Variants in OSBPL10 observed in about 807,000 individuals in gnomAD.
The protein encoded by OSBPL10 is oxysterol binding protein like 10, also known as oxysterol-binding protein-related protein 10.
Under a neutral mutation model 81.7 loss-of-function variants are expected in OSBPL10, and 49 were observed. The observed-to-expected ratio is 0.60, with a 90% CI of 0.48 to 0.76. The LOEUF (loss-of-function observed/expected upper bound fraction) is 0.76, where lower values mean the gene tolerates loss of function less well. Among genes scored for constraint, OSBPL10 ranks in the 30% least tolerant of loss-of-function variants. The pLI, the probability that OSBPL10 is intolerant of heterozygous loss-of-function variation, is 0.00. For synonymous variants in OSBPL10, 419 were observed against 383.6 expected, an observed-to-expected ratio of 1.09 and a Z score of -1.08; for missense variants, 923 against 987.8, an observed-to-expected ratio of 0.93 and a Z score of 0.88.
intron 1 of OSBPL10, among the ~76,000 whole-genome samples, chr3:31,905,858 CTTGA>C (rs1291285771): frequency 6.7e-6 from 1 of 150,310 alleles, no homozygotes; most frequent in Non-Finnish European, 1.5e-5. Context: ...AAACCTATCA[CTTGA>C]TTAATTATTC....
intron 7 of OSBPL10, 81 bp from the exon 8 acceptor site, chr3:31,684,195 C>G (rs1700733625): frequency 6.5e-7 from 1 of 1,545,880 alleles, no homozygotes; most frequent in East Asian, 2.3e-5. Flanking sequence ...GCTGCAACCA[C>G]TGTTAAGCAA....
chr3:31,891,412 T>C lies in OSBPL10; in HGVS notation c.282-11582A>G, dbSNP rs564096684. Among the ~76,000 whole-genome samples, 497 of 152,334 alleles carry C rather than the reference T, an allele frequency of 3.3e-3. 1 individual carries two copies. The highest frequency in any genetic ancestry group is 0.012 in the African/African-American group (480 of 41,568). ...TGGGAACCACTTGTTTTCATTTTTGTGACCTCGGGCAAGTTCTTTATCCAC... is the reference window on the plus strand; with the variant it reads ...TGGGAACCACTTGTTTTCATTTTTGCGACCTCGGGCAAGTTCTTTATCCAC... On this transcript the variant is annotated intron_variant, in intron 1 of 11. Coordinates refer to ENST00000396556, the MANE Select transcript of OSBPL10 (RefSeq NM_017784.5).
intron 4 of OSBPL10, among the ~76,000 whole-genome samples, chr3:31,829,366 T>C (rs1002275885): frequency 2.0e-5 from 3 of 152,212 alleles, no homozygotes; most frequent in Non-Finnish European, 4.4e-5. Flanking sequence ...GACTTCTCAG[T>C]GCATCAAAAG....
Position 32,017,833 on chromosome 3 carries a change from C to T in OSBPL10, n.298+28658G>A, listed in dbSNP as rs529162244. Among the ~76,000 whole-genome samples, 190 of 152,276 alleles carry T rather than the reference C, an allele frequency of 1.2e-3. 1 individual carries two copies. Among genetic ancestry groups the T allele is most frequent in the African/African-American group, 4.2e-3 (175 of 41,558 alleles). On this transcript the variant is annotated intron_variant and non_coding_transcript_variant, in intron 2 of 3. Coordinates refer to the OSBPL10 transcript ENST00000479173. ...CAGGTGAATTGTGAACAATCACATT[C>T]ATTGTGTCACTAAACTTAAAGAAAT...
Position 31,830,148 on chromosome 3 carries a change from G to T in OSBPL10, c.621C>A (p.His207Gln), listed in dbSNP as rs973265511. ...CAACACCGGGGGCCCCCACACTGAGGTGTCTCTGGCTACAGGGAGACGCAG... is the reference window on the plus strand; with the variant it reads ...CAACACCGGGGGCCCCCACACTGAGTTGTCTCTGGCTACAGGGAGACGCAG... ...PNSASPCSQR[H>Q]LSVGAPGVVT... is the part of the protein sequence containing the mutation. The change falls in exon 4 of 12, where the codon CAC (histidine) becomes CAA (glutamine). Residue 207 changes from histidine to glutamine, a missense_variant. His to Gln is a conservative substitution (Grantham distance 24). Coordinates refer to ENST00000396556, the MANE Select transcript of OSBPL10 (RefSeq NM_017784.5). 1 of 1,614,174 alleles carries T rather than the reference G, an allele frequency of 6.2e-7. No homozygotes were observed. The highest frequency in any genetic ancestry group is 2.2e-5 in the East Asian group (1 of 44,876).
intron 2 of OSBPL10, among the ~76,000 whole-genome samples, chr3:32,010,651 C>G (rs545651884): frequency 1.3e-5 from 2 of 152,186 alleles, no homozygotes; most frequent in Admixed American, 6.5e-5. Flanking sequence ...GGCATCACTT[C>G]ACCCAGGAAG....
At chr3:31,664,322 G>A in intron 10 of OSBPL10, 90 bp from the exon 11 acceptor site, 1 of 1,385,888 alleles carries the variant, frequency 7.2e-7, no homozygotes, top group Non-Finnish European at 1.0e-6. Context: ...GAGCAGCGAG[G>A]GGCCGCCAGG....
At position 31,662,086 on chromosome 3, in the gene OSBPL10, A is replaced by G; in HGVS notation, c.2281T>C (p.Trp761Arg). ...GDGWVYFNPL[W>R]KAH ...CCTCCACCCCATCAGTGTGCTTTCC[A>G]GAGGGGATTGAAGTATACCCAGCCA... Residue 761 changes from tryptophan to arginine, a missense_variant, in exon 12 of 12, where the codon TGG becomes CGG. Trp to Arg is a moderately radical substitution (Grantham distance 101). Coordinates refer to ENST00000396556, the MANE Select transcript of OSBPL10 (RefSeq NM_017784.5). 6.2e-7 allele frequency: 1 copy of G among 1,614,116 alleles called. No individual in the cohort carries two copies. Among genetic ancestry groups the G allele is most frequent in the Non-Finnish European group, 8.5e-7 (1 of 1,179,994 alleles).
chr3:32,048,185 T>A (rs1480816656), intron 1 of OSBPL10, among the ~76,000 whole-genome samples: 1 of 152,140 alleles, frequency 6.6e-6, no homozygotes. Context: ...TAATTTTGCT[T>A]TCTTTCCTTT....
At chr3:32,069,144 C>T (rs1409440517) in intron 1 of OSBPL10, among the ~76,000 whole-genome samples, 1 of 152,172 alleles carries the variant, frequency 6.6e-6, no homozygotes, top group South Asian at 2.1e-4. Flanking sequence ...AGTGTTTAGG[C>T]TCTTTCTCAT....
chr3:31,975,255 C>A (rs376489840), intron 1 of OSBPL10, among the ~76,000 whole-genome samples: 12 of 152,146 alleles, frequency 7.9e-5, no homozygotes, highest in African/African-American at 2.9e-4. Context: ...TAGCACACGG[C>A]CTCAAAACAC....
chr3:31,670,915 T>C lies in OSBPL10; in HGVS notation c.1795A>G (p.Ile599Val), dbSNP rs764890164. 1 of 1,614,140 alleles carries C rather than the reference T, an allele frequency of 6.2e-7. No individual in the cohort carries two copies. Among genetic ancestry groups the C allele is most frequent in the South Asian group, 1.1e-5 (1 of 91,074 alleles). The change falls in exon 9 of 12, where the codon ATT becomes GTT. Residue 599 changes from isoleucine (I) to valine (V), a missense_variant. Ile to Val is a conservative substitution (Grantham distance 29, BLOSUM62 3). Transcript: ENST00000396556. The part of the protein sequence containing the change: ...FTLPSAYARS[I>V]LTIPWVELGG... ...AGCTCCACCCACGGGATGGTGAGAATGGACCGGGCGTAGGCACTAGGCAGG... is the reference window on the plus strand; with the variant it reads ...AGCTCCACCCACGGGATGGTGAGAACGGACCGGGCGTAGGCACTAGGCAGG...
chr3:31,666,573 G>A (rs1367799633), intron 10 of OSBPL10, among the ~76,000 whole-genome samples: 9 of 152,154 alleles, frequency 5.9e-5, no homozygotes, highest in Admixed American at 3.9e-4. Context: ...CCTCAAGGCC[G>A]TTTCCTCTGC....
chr3:31,747,793 A>G, intron 5 of OSBPL10, 117 bp downstream of exon 5: 1 of 1,080,250 alleles, frequency 9.3e-7, no homozygotes, highest in South Asian at 1.3e-5. Context: ...ATACTTGGAT[A>G]TAAGGATAGA....
At position 31,880,043 on chromosome 3, in the gene OSBPL10, T is replaced by C. The variant is rs11922484; in HGVS notation, c.282-213A>G. Among the ~76,000 whole-genome samples, 36,976 of 152,154 alleles carry C rather than the reference T, an allele frequency of 0.24. 4,610 individuals carry two copies. The highest frequency in any genetic ancestry group is 0.26 in the African/African-American group (10,902 of 41,520). ...CAGAGTGGCGCTCATAATGGGGCACTTGTGGGCAAGGGCCAGGACCACTCA... is the reference window on the plus strand; with the variant it reads ...CAGAGTGGCGCTCATAATGGGGCACCTGTGGGCAAGGGCCAGGACCACTCA... On this transcript the variant is annotated intron_variant, in intron 1 of 11. Coordinates refer to ENST00000396556, the MANE Select transcript of OSBPL10 (RefSeq NM_017784.5).
chr3:31,886,833 G>A lies in OSBPL10; in HGVS notation c.282-7003C>T, dbSNP rs192424733. On this transcript the variant is annotated intron_variant, in intron 1 of 11. Coordinates refer to ENST00000396556, the MANE Select transcript of OSBPL10 (RefSeq NM_017784.5). Reference sequence around the variant, plus strand: ...CATGCACCTGTACTCCCAGCTACTCGGGAGGCTGAGGCAGAAGAATCGCTG... The same window carrying A: ...CATGCACCTGTACTCCCAGCTACTCAGGAGGCTGAGGCAGAAGAATCGCTG... Among the ~76,000 whole-genome samples the A allele has an allele frequency of 3.2e-3, 484 of 152,136 alleles. 5 individuals are homozygous for A. Among genetic ancestry groups the A allele is most frequent in the African/African-American group, 0.011 (454 of 41,512 alleles).
intron 6 of OSBPL10, chr3:31,710,495 G>T (rs914292646): frequency 1.3e-5 from 2 of 152,254 alleles, no homozygotes; most frequent in African/African-American, 4.8e-5. Flanking sequence ...CTTTGGGGCT[G>T]CAGGGCCCTG....
At chr3:31,856,790 T>A (rs1007503596) in intron 3 of OSBPL10, among the ~76,000 whole-genome samples, 2 of 152,202 alleles carry the variant, frequency 1.3e-5, no homozygotes, top group Non-Finnish European at 2.9e-5. Context: ...AATGTTTTCA[T>A]GTAGGCCAGA....
At chr3:31,857,523 C>A (rs765130676) in intron 3 of OSBPL10, among the ~76,000 whole-genome samples, 1 of 151,832 alleles carries the variant, frequency 6.6e-6, no homozygotes, top group Non-Finnish European at 1.5e-5. Context: ...TAGTGACCCA[C>A]GAGAACACAG....
Sources: gnomAD v4.1 joint callset for allele counts (sites outside exome capture counted in the v4.1 genomes callset) on GRCh38, gnomAD v4.1.1 for gene constraint, MANE v1.5 for transcripts, NCBI Gene and HGNC (gene_info 2026-07-23, HGNC 2026-07-21) for gene names.